OSBPL10: variants seen among roughly 807,000 people sequenced by gnomAD.
OSBPL10 encodes the protein oxysterol binding protein like 10, also known as oxysterol-binding protein-related protein 10.
A neutral mutation model predicts 81.7 loss-of-function variants in OSBPL10; 49 were observed. The ratio of observed to expected loss-of-function variants is 0.60; its 90% CI spans 0.48 to 0.76. OSBPL10 has a LOEUF of 0.76. Ranked by LOEUF, OSBPL10 falls within the 30% of genes least tolerant of loss-of-function variation. The probability of loss-of-function intolerance (pLI) is 0.00; values close to 1 mark genes in which losing one functional copy is unlikely to be tolerated. For missense variants in OSBPL10, 923 were observed against 987.8 expected, an observed-to-expected ratio of 0.93 and a Z score of 0.88; for synonymous variants, 419 against 383.6, an observed-to-expected ratio of 1.09 and a Z score of -1.08.
chr3:31,958,496 G>C (rs182400490), intron 1 of OSBPL10, among the ~76,000 whole-genome samples: 1 of 152,252 alleles, frequency 6.6e-6, no homozygotes, highest in African/African-American at 2.4e-5. Flanking sequence ...ACATATGCAG[G>C]AGGACAAGAC....
chr3:32,073,743 A>G (rs970004892), intron 1 of OSBPL10, among the ~76,000 whole-genome samples: 1 of 152,090 alleles, frequency 6.6e-6, no homozygotes, highest in African/African-American at 2.4e-5. Flanking sequence ...TCAACTACTC[A>G]TAAATGACCT....
intron 4 of OSBPL10, among the ~76,000 whole-genome samples, chr3:31,798,660 C>T (rs1296262769): frequency 6.6e-6 from 1 of 151,864 alleles, no homozygotes; most frequent in Admixed American, 6.6e-5. Flanking sequence ...TCTGTTGGAC[C>T]ATGCCAACAT....
At chr3:31,998,304 C>T (rs1699110876) in intron 2 of OSBPL10, among the ~76,000 whole-genome samples, 1 of 152,122 alleles carries the variant, frequency 6.6e-6, no homozygotes, top group Non-Finnish European at 1.5e-5. Flanking sequence ...TCAAAGTATA[C>T]TCCCCATCAG....
At chr3:31,814,185 A>C (rs1323078042) in intron 4 of OSBPL10, among the ~76,000 whole-genome samples, 1 of 152,244 alleles carries the variant, frequency 6.6e-6, no homozygotes, top group Non-Finnish European at 1.5e-5. Context: ...CAGGCATCCC[A>C]ACAGTGACAG....
chr3:31,692,326 T>G (rs1695584179), intron 7 of OSBPL10, among the ~76,000 whole-genome samples: 1 of 151,834 alleles, frequency 6.6e-6, no homozygotes, highest in African/African-American at 2.4e-5. Context: ...TAAATGGCAG[T>G]GTTAAATTAG....
chr3:31,978,780 C>T (rs1575074229), intron 1 of OSBPL10, among the ~76,000 whole-genome samples: 1 of 152,186 alleles, frequency 6.6e-6, no homozygotes, highest in African/African-American at 2.4e-5. Context: ...CAGGAGTGTA[C>T]TTAATACCAC....
intron 1 of OSBPL10, 96 bp downstream of exon 1, chr3:31,980,803 G>T: frequency 1.5e-6 from 2 of 1,347,298 alleles, no homozygotes; most frequent in South Asian, 1.8e-5. Flanking sequence ...ACAATCGCGC[G>T]CGCACACACA....
At chr3:31,924,121 G>A (rs1049230391) in intron 1 of OSBPL10, among the ~76,000 whole-genome samples, 21 of 151,546 alleles carry the variant, frequency 1.4e-4, no homozygotes, top group Non-Finnish European at 2.4e-4. Flanking sequence ...GGGAGGCTGA[G>A]GCAAGGAGAA....
At chr3:31,705,372 A>ACCCCCCCCCCCCC (rs3840254) in intron 6 of OSBPL10, among the ~76,000 whole-genome samples, 18 of 130,556 alleles carry the variant, frequency 1.4e-4, no homozygotes, top group African/African-American at 2.2e-4. Context: ...CAAAGAGAAG[A>ACCCCCCCCCCCCC]CCCCCCCCCC....
rs372405695 is a variant in OSBPL10, at chr3:31,683,646, T to C, written c.1714A>G (p.Met572Val). 17 of 1,610,990 alleles carry C rather than the reference T, an allele frequency of 1.1e-5. No homozygotes were observed. Among genetic ancestry groups the C allele is most frequent in the African/African-American group, 1.3e-5 (1 of 74,876 alleles). ...CGACATGGCTTACCTTCCCCTATCA[T>C]AGAGACCCCCACGGACATGCCCATG... is the stretch of plus-strand genomic sequence containing the variant. ...KFMGMSVGVS[M>V]IGEGVLRLLE... Residue 572 changes from methionine to valine, a missense_variant, in exon 8 of 12, where the codon ATG (methionine) becomes GTG (valine). Around this residue, in one of 3 missense-constraint regions of OSBPL10, gnomAD observed 387 missense variants for 436.3 expected, o/e 0.89. Transcript: ENST00000396556.
intron 3 of OSBPL10, among the ~76,000 whole-genome samples, chr3:31,849,077 G>A (rs1402711842): frequency 6.6e-6 from 1 of 152,150 alleles, no homozygotes; most frequent in Non-Finnish European, 1.5e-5. Context: ...GCTTCAAGAT[G>A]CCTTTCATCT....
chr3:31,771,681 G>A (rs566824923), intron 4 of OSBPL10, among the ~76,000 whole-genome samples: 1 of 152,308 alleles, frequency 6.6e-6, no homozygotes, highest in African/African-American at 2.4e-5. Flanking sequence ...AGGCTCCAGA[G>A]GAAGGTCTTC....
At chr3:31,683,456 A>G (rs1262899459) in intron 8 of OSBPL10, among the ~76,000 whole-genome samples, 178 bp downstream of exon 8, 1 of 152,172 alleles carries the variant, frequency 6.6e-6, no homozygotes, top group Admixed American at 6.5e-5. Flanking sequence ...CCGCTGGGAA[A>G]TTACCAGACC....
At chr3:31,785,823 T>C (rs4955200) in intron 4 of OSBPL10, among the ~76,000 whole-genome samples, 92,307 of 151,924 alleles carry the variant, frequency 0.61, 29,254 homozygotes, top group East Asian at 0.79. Context: ...CTTCCCTTAA[T>C]AATTTTCTGA....
intron 1 of OSBPL10, among the ~76,000 whole-genome samples, chr3:31,971,053 C>T (rs1387688818): frequency 2.0e-5 from 3 of 152,126 alleles, no homozygotes; most frequent in Admixed American, 6.5e-5. Context: ...CTCCCACTCC[C>T]AGGTGCTTCC....
At chr3:31,865,031 G>A (rs1701142337) in intron 3 of OSBPL10, among the ~76,000 whole-genome samples, 1 of 152,080 alleles carries the variant, frequency 6.6e-6, no homozygotes, top group Admixed American at 6.5e-5. Flanking sequence ...TAATGCCGAG[G>A]TCCTAAAGAA....
At chr3:32,026,402 A>C (rs970057287) in intron 2 of OSBPL10, among the ~76,000 whole-genome samples, 1 of 152,114 alleles carries the variant, frequency 6.6e-6, no homozygotes, top group Non-Finnish European at 1.5e-5. Flanking sequence ...AAAGCAGTGG[A>C]ATTATAGGTT....
intron 1 of OSBPL10, among the ~76,000 whole-genome samples, chr3:31,971,057 T>A (rs1453132360): frequency 6.6e-6 from 1 of 151,970 alleles, no homozygotes; most frequent in Non-Finnish European, 1.5e-5. Context: ...CACTCCCAGG[T>A]GCTTCCTCTG....
chr3:31,792,286 C>G (rs1424902851), intron 4 of OSBPL10, among the ~76,000 whole-genome samples: 1 of 151,830 alleles, frequency 6.6e-6, no homozygotes, highest in Non-Finnish European at 1.5e-5. Context: ...AAAGAACATT[C>G]CTTGAGCTTT....
Sources: gnomAD v4.1 joint callset for allele counts (sites outside exome capture counted in the v4.1 genomes callset) on GRCh38, gnomAD v4.1.1 for gene constraint, gnomAD v4.1.1 regional missense constraint, MANE v1.5 for transcripts, NCBI Gene and HGNC (gene_info 2026-07-23, HGNC 2026-07-21) for gene names.